The following TRERF1 variants were observed in gnomAD, a reference collection of about 807,000 sequenced individuals.
TRERF1 encodes transcriptional regulating factor 1.
In TRERF1, 27 loss-of-function variants were observed where a neutral mutation model predicts 122.9. That is an observed-to-expected ratio of 0.22 (90% CI 0.16 to 0.30). The LOEUF (loss-of-function observed/expected upper bound fraction) is 0.30. Ranked by LOEUF, TRERF1 falls within the 10% of genes least tolerant of loss-of-function variation. The pLI is 1.00. For synonymous variants in TRERF1, 636 were observed against 641.7 expected (o/e 0.99, Z 0.13); for missense variants, 1,248 against 1,560.3 (o/e 0.80, Z 3.37).
At chr6:42,369,233 T>C (rs937562074) in intron 2 of TRERF1, among the ~76,000 whole-genome samples, 5 of 152,130 alleles carry the variant, frequency 3.3e-5, no homozygotes, top group Admixed American at 3.3e-4. Flanking sequence ...GTGGATCACT[T>C]GAGGTCAAGA....
rs965719357 is a variant in TRERF1 at position 42,277,926 on chromosome 6, A to G, written c.-258-8078T>C. ...AGAAGGAAGAAGAAGAAGAAGAAGA[A>G]GAAGAAGAAGAAGAAGAAGAAGAAG... is the stretch of plus-strand genomic sequence containing the variant. On this transcript the variant is annotated intron_variant, in intron 4 of 17. Transcript: ENST00000372922. Among the ~76,000 whole-genome samples, 40 of 140,848 alleles carry G rather than the reference A, an allele frequency of 2.8e-4. No individual in the cohort carries two copies. The South Asian group carries it at 3.1e-3, about 11-fold the overall frequency. 92.4% of individuals were successfully genotyped at this position (140,848 alleles called of 152,430 possible).
chr6:42,246,604 G>T, intron 13 of TRERF1, 60 bp from the exon 14 acceptor site: 1 of 1,244,760 alleles, frequency 8.0e-7, no homozygotes, highest in Non-Finnish European at 1.1e-6. Flanking sequence ...TTTAGTTGCT[G>T]GTTCATTTAG....
intron 2 of TRERF1, among the ~76,000 whole-genome samples, chr6:42,397,810 T>C (rs1331423680): frequency 6.6e-6 from 1 of 152,182 alleles, no homozygotes; most frequent in East Asian, 1.9e-4. Flanking sequence ...CTTAGAGAAA[T>C]AATATATACA....
Position 42,441,313 on chromosome 6 carries a change from C to T in TRERF1, c.-454+9864G>A, listed in dbSNP as rs1049539429. On this transcript the variant is annotated intron_variant, in intron 2 of 17. Coordinates refer to ENST00000372922, the Ensembl canonical transcript of TRERF1. ...CACCCCGCCTCTATCAGAAATCTTA[C>T]GTAGAGTTGCTCAAAGGGGGGAAGG... Among the ~76,000 whole-genome samples the T allele has an allele frequency of 1.3e-5, 2 of 152,092 alleles. 1 individual carries two copies. Among genetic ancestry groups the T allele is most frequent in the South Asian group, 4.1e-4 (2 of 4,832 alleles).
At chr6:42,349,171 C>T (rs572969926) in intron 3 of TRERF1, among the ~76,000 whole-genome samples, 182 of 152,272 alleles carry the variant, frequency 1.2e-3, no homozygotes, top group Non-Finnish European at 1.8e-3. Flanking sequence ...TTGTCCAATC[C>T]TCTCAGACAG....
rs553363780 is a variant in TRERF1, at chr6:42,325,773, G to C, written c.-370-25024C>G. The stretch of plus-strand genomic sequence containing the variant: ...ACCTGTAGTCCCAGCTACTCAGAAG[G>C]CTGCGGTGGGAGGATGGATTGAATC... On this transcript the variant is annotated intron_variant, in intron 3 of 17. Coordinates refer to ENST00000372922, the Ensembl canonical transcript of TRERF1. Among the ~76,000 whole-genome samples the C allele has an allele frequency of 2.0e-5, 3 of 152,306 alleles. No homozygotes were observed. The East Asian group carries it at 5.8e-4, about 29-fold the overall frequency.
At chr6:42,387,021 T>C (rs1305789886) in intron 2 of TRERF1, among the ~76,000 whole-genome samples, 1 of 152,168 alleles carries the variant, frequency 6.6e-6, no homozygotes, top group Non-Finnish European at 1.5e-5. Flanking sequence ...CTGCAGACAT[T>C]GCCAAATGTC....
At chr6:42,231,530 G>A (rs896216306) in intron 17 of TRERF1, among the ~76,000 whole-genome samples, 1 of 152,172 alleles carries the variant, frequency 6.6e-6, no homozygotes, top group African/African-American at 2.4e-5. Flanking sequence ...TGTTTTCGTG[G>A]TAGAGTTTCA....
At chr6:42,413,761 A>G (rs1203789770) in intron 2 of TRERF1, among the ~76,000 whole-genome samples, 1 of 152,170 alleles carries the variant, frequency 6.6e-6, no homozygotes, top group African/African-American at 2.4e-5. Flanking sequence ...TCTAGACCCA[A>G]GGAGCTTCGT....
chr6:42,335,737 AGC>A (rs1766037181), intron 3 of TRERF1, among the ~76,000 whole-genome samples: 1 of 152,148 alleles, frequency 6.6e-6, no homozygotes, highest in Admixed American at 6.5e-5. Context: ...GTCCAACTCT[AGC>A]TCAATCATCC....
intron 3 of TRERF1, among the ~76,000 whole-genome samples, chr6:42,345,666 G>T (rs1392433683): frequency 6.6e-6 from 1 of 152,192 alleles, no homozygotes; most frequent in East Asian, 1.9e-4. Context: ...TACATAAAGT[G>T]CAGTCTTTTG....
intron 2 of TRERF1, among the ~76,000 whole-genome samples, chr6:42,431,897 G>T (rs940024800): frequency 6.6e-6 from 1 of 151,896 alleles, no homozygotes; most frequent in African/African-American, 2.4e-5. Flanking sequence ...CGATGAGAAA[G>T]AAAAAAAGGC....
chr6:42,265,675 A>T (rs1779013058), intron 6 of TRERF1, 76 bp downstream of exon 6: 2 of 1,449,450 alleles, frequency 1.4e-6, no homozygotes, highest in Non-Finnish European at 1.9e-6. Context: ...CTTGGAATTT[A>T]AAAATGAATC....
intron 3 of TRERF1, among the ~76,000 whole-genome samples, chr6:42,359,676 A>G (rs141507030): frequency 6.6e-6 from 1 of 152,180 alleles, no homozygotes; most frequent in African/African-American, 2.4e-5. Context: ...GTGAGCCGAG[A>G]TCGCACCACA....
At chr6:42,294,683 C>T (rs1185143858) in intron 4 of TRERF1, among the ~76,000 whole-genome samples, 1 of 152,148 alleles carries the variant, frequency 6.6e-6, no homozygotes, top group Non-Finnish European at 1.5e-5. Context: ...GGGGCACCTC[C>T]TGTCTCTATA....
At chr6:42,350,897 T>C (rs1182472970) in intron 3 of TRERF1, among the ~76,000 whole-genome samples, 1 of 152,012 alleles carries the variant, frequency 6.6e-6, no homozygotes, top group Non-Finnish European at 1.5e-5. Context: ...AAAAATCCCT[T>C]GTACATGATT....
Position 42,346,343 on chromosome 6 carries a change from C to T in TRERF1, c.-371+16654G>A, listed in dbSNP as rs138429815. 1.7e-4 allele frequency among the ~76,000 whole-genome samples: 26 copies of T among 152,354 alleles called. No homozygotes were observed. The East Asian group carries it at 4.8e-3, about 28-fold the overall frequency. On this transcript the variant is annotated intron_variant, in intron 3 of 17. Transcript: ENST00000372922. ...TTACTGAGCACCACGTGTGCACAAA[C>T]AGCCTCCTGCACAGGGGGCCGACTC... is the stretch of plus-strand genomic sequence containing the variant.
Position 42,228,793 on chromosome 6 carries a change from G to A in TRERF1, c.3279-124C>T. On this transcript the variant is annotated intron_variant, in intron 17 of 17. Coordinates refer to ENST00000372922, the Ensembl canonical transcript of TRERF1. This position sits in a 1 kb window ranked among gnomAD's most constrained non-coding sequence, Gnocchi z 4.2. ...AAGTCCCTGGCTGCTCGGCTTCTAG[G>A]ACCTCCTTCCCCTGTGACCTGTCAC... is the stretch of plus-strand genomic sequence containing the variant. 1 of 910,050 alleles carries A rather than the reference G, an allele frequency of 1.1e-6. No homozygotes were observed. The highest frequency in any genetic ancestry group is 1.7e-6 in the Non-Finnish European group (1 of 597,340). The allele number at this position is 910,050 out of a possible 1,614,324, so 56.4% of individuals were successfully genotyped here.
At chr6:42,320,342 G>C (rs895722889) in intron 3 of TRERF1, among the ~76,000 whole-genome samples, 1 of 152,048 alleles carries the variant, frequency 6.6e-6, no homozygotes, top group East Asian at 1.9e-4. Context: ...GTGGTGGAGC[G>C]TTTAGCCTAT....
Sources: allele counts gnomAD v4.1 joint callset (sites outside exome capture counted in the v4.1 genomes callset), GRCh38; gene constraint gnomAD v4.1.1; non-coding constraint Gnocchi (gnomAD v3.1); transcripts MANE v1.5; gene names NCBI Gene and HGNC (gene_info 2026-07-23, HGNC 2026-07-21).